GNB2: variants seen among roughly 807,000 people sequenced by gnomAD.
GNB2 encodes guanine nucleotide-binding protein G(I)/G(S)/G(T) subunit beta-2.
A neutral mutation model predicts 40.7 loss-of-function variants in GNB2; 7 were observed. The ratio of observed to expected loss-of-function variants is 0.17; its 90% CI spans 0.10 to 0.32. The LOEUF (loss-of-function observed/expected upper bound fraction) is 0.32, where lower values mean the gene tolerates loss of function less well. Ranked by LOEUF, GNB2 falls within the 10% of genes least tolerant of loss-of-function variation. The pLI is 1.00. For synonymous variants in GNB2, 254 were observed against 191.2 expected (o/e 1.33, Z -2.71); for missense variants, 286 against 473.0 (o/e 0.60, Z 3.67).
At chr7:100,674,388 T>C (rs1562856776) in intron 1 of GNB2, among the ~76,000 whole-genome samples, 2 of 152,016 alleles carry the variant, frequency 1.3e-5, no homozygotes, top group Non-Finnish European at 2.9e-5. Context: ...CTTCCTTTCG[T>C]CTCCACCCTA....
intron 1 of GNB2, chr7:100,675,882 C>G (rs1480203074): frequency 4.4e-6 from 1 of 227,298 alleles, no homozygotes; most frequent in African/African-American, 2.3e-5. Flanking sequence ...CCCGCCCCCC[C>G]CGCCCCAGTT....
At position 100,678,364 on chromosome 7, in the gene GNB2, C is replaced by T. The variant is rs780085774; in HGVS notation, c.700-34C>T. 5.6e-6 allele frequency: 9 copies of T among 1,604,902 alleles called. 1 individual carries two copies. The South Asian group carries it at 8.8e-5, about 16-fold the overall frequency. ...GGCTCCCGGCCCTGCTCCTCACCCT[C>T]ACCCTCACCCCATCTGGGTCCCGTG... On this transcript the variant is annotated intron_variant, in intron 8 of 9. Coordinates refer to ENST00000303210, the MANE Select transcript of GNB2 (RefSeq NM_005273.4).
rs1401551159 is a variant in GNB2 at position 100,678,674 on chromosome 7, T to C, written c.917-21T>C. 7 of 1,611,556 alleles carry C rather than the reference T, an allele frequency of 4.3e-6. No individual in the cohort carries two copies. In the East Asian group the frequency reaches 8.9e-5, roughly 21 times the overall value. The stretch of plus-strand genomic sequence containing the variant: ...CCTGGAGCCCAGGCCCAATGGGTTC[T>C]GACTTCTCTCTTCTTCACAGGAGTC... On this transcript the variant is annotated intron_variant, in intron 9 of 9. Transcript: ENST00000303210.
At position 100,678,911 on chromosome 7, in the gene GNB2, G is replaced by A; in HGVS notation, c.*110G>A. The A allele has an allele frequency of 1.2e-6, 1 of 839,070 alleles. No individual in the cohort carries two copies. Among genetic ancestry groups the A allele is most frequent in the Non-Finnish European group, 1.9e-6 (1 of 531,582 alleles). The allele number at this position is 839,070 out of a possible 1,614,324, so 52.0% of individuals were successfully genotyped here. On this transcript the variant is annotated 3_prime_UTR_variant, in exon 10 of 10. Coordinates refer to ENST00000303210, the MANE Select transcript of GNB2 (RefSeq NM_005273.4). Reference sequence around the variant, plus strand: ...CCAGCCCCCTTCCCCGGGCCACGGGGCCTTGGGTCCCTGCCCTCCCACCCA... The same window carrying A: ...CCAGCCCCCTTCCCCGGGCCACGGGACCTTGGGTCCCTGCCCTCCCACCCA...
At chr7:100,677,135 G>C in intron 4 of GNB2, 1 of 600,080 alleles carries the variant, frequency 1.7e-6, no homozygotes, top group Non-Finnish European at 3.0e-6. Context: ...TGAGCTGGGT[G>C]TGGTGGTGCT....
In GNB2 at chr7:100,677,631, G is replaced by C. The variant is rs1804379835; in HGVS notation, c.401G>C (p.Arg134Thr). ...YSLKTREGNV[R>T]VSRELPGHTG... ...CTCAAGACCCGCGAGGGCAACGTCA[G>C]GGTCAGCCGGGAGCTGCCTGGCCAC... The change falls in exon 6 of 10, where the codon AGG (arginine) becomes ACG (threonine). Residue 134 changes from arginine to threonine, a missense_variant. Coordinates refer to ENST00000303210, the MANE Select transcript of GNB2 (RefSeq NM_005273.4). 6.2e-7 allele frequency: 1 copy of C among 1,613,512 alleles called. No individual in the cohort carries two copies. The highest frequency in any genetic ancestry group is 2.2e-5 in the East Asian group (1 of 44,894).
In GNB2 at chr7:100,678,974, G is replaced by T. The variant is rs1474086363; in HGVS notation, c.*173G>T. 8.4e-6 allele frequency: 5 copies of T among 595,956 alleles called. No individual in the cohort carries two copies. The highest frequency in any genetic ancestry group is 3.7e-5 in the African/African-American group (2 of 53,734). The allele number at this position is 595,956 out of a possible 1,614,324, so 36.9% of individuals were successfully genotyped here. ...CCCGGGGCCCCCACTGTGGAGATAA[G>T]AAGGGGATGGAATGGGGGAAGAGGA... On this transcript the variant is annotated 3_prime_UTR_variant, in exon 10 of 10. Transcript: ENST00000303210.
At chr7:100,677,880 C>A (rs961784534) in intron 7 of GNB2, 62 bp downstream of exon 7, 5 of 1,411,340 alleles carry the variant, frequency 3.5e-6, no homozygotes, top group Non-Finnish European at 5.0e-6. Flanking sequence ...CAGGGGCCAC[C>A]GTCCCAGTGC....
At chr7:100,678,059 CT>C (rs1408840858) in intron 7 of GNB2, 38 bp from the exon 8 acceptor site, 1 of 1,516,388 alleles carries the variant, frequency 6.6e-7, no homozygotes, top group Non-Finnish European at 9.2e-7. Context: ...GTTCTTCGCC[CT>C]GTCTCTTATC....
chr7:100,677,868 C>T (rs780486988), intron 7 of GNB2, 50 bp downstream of exon 7: 48 of 1,498,802 alleles, frequency 3.2e-5, no homozygotes, highest in Non-Finnish European at 4.4e-5. Context: ...CACTTCCTGC[C>T]TCAGGGGCCA....
Position 100,678,685 on chromosome 7 carries a change from T to C in GNB2, c.917-10T>C, listed in dbSNP as rs752220878. On this transcript the variant is annotated splice_polypyrimidine_tract_variant and intron_variant, in intron 9 of 9. Coordinates refer to ENST00000303210, the MANE Select transcript of GNB2 (RefSeq NM_005273.4). ...GGCCCAATGGGTTCTGACTTCTCTCTTCTTCACAGGAGTCCTCGCTGGCCA... is the reference window on the plus strand; with the variant it reads ...GGCCCAATGGGTTCTGACTTCTCTCCTCTTCACAGGAGTCCTCGCTGGCCA... The C allele has an allele frequency of 6.2e-7, 1 of 1,610,200 alleles. No homozygotes were observed. Among genetic ancestry groups the C allele is most frequent in the South Asian group, 1.1e-5 (1 of 91,010 alleles).
chr7:100,677,934 C>T, intron 7 of GNB2, 116 bp downstream of exon 7: 1 of 1,052,828 alleles, frequency 9.5e-7, no homozygotes, highest in South Asian at 1.4e-5. Flanking sequence ...CTGGTGGGCG[C>T]TAAGGGGGTC....
Position 100,677,745 on chromosome 7 carries a change from TC to T in GNB2, c.431-3del. The T allele has an allele frequency of 6.2e-7, 1 of 1,613,694 alleles. No individual in the cohort carries two copies. Among genetic ancestry groups the T allele is most frequent in the Middle Eastern group, 1.6e-4 (1 of 6,062 alleles). On this transcript the variant is annotated splice_region_variant and splice_polypyrimidine_tract_variant and intron_variant, in intron 6 of 9. Coordinates refer to ENST00000303210, the MANE Select transcript of GNB2 (RefSeq NM_005273.4). ...GTGGAGACCTGGCTGACCAGCTCCT[TC>T]CCCAGGGTACCTGTCGTGTTGCCGC...
intron 1 of GNB2, 128 bp from the exon 2 acceptor site, chr7:100,676,049 C>T (rs1301626048): frequency 2.0e-6 from 1 of 501,330 alleles, no homozygotes; most frequent in African/African-American, 2.0e-5. Flanking sequence ...CTGGTTGTGC[C>T]CGGGGACGGC....
Position 100,676,298 on chromosome 7 carries a change from C to A in GNB2, c.33C>A (p.Ala11=). 6.2e-7 allele frequency: 1 copy of A among 1,607,872 alleles called. No homozygotes were observed. The highest frequency in any genetic ancestry group is 8.5e-7 in the Non-Finnish European group (1 of 1,177,662). Residue 11 remains alanine, a synonymous_variant, in exon 2 of 10, where the codon GCC becomes GCA. Transcript: ENST00000303210. The part of the protein sequence containing the change: MSELEQLRQE[A]EQLRNQIRDA... ...AGCTGGAGCAACTGAGACAGGAGGC[C>A]GAGCAGCTCCGGAACCAGATCCGGG...
In GNB2 at chr7:100,677,367, C is replaced by T. The variant is rs749105441; in HGVS notation, c.219C>T (p.Ala73=). Residue 73 remains alanine, a synonymous_variant, in exon 5 of 10, where the codon GCC becomes GCT. Transcript: ENST00000303210. The part of the protein sequence containing the change: ...WGTDSRLLVS[A]SQDGKLIIWD... ...TCCCCACCAGGCTGCTGGTCAGCGC[C>T]TCCCAGGATGGGAAGCTCATCATCT... 7 of 1,613,898 alleles carry T rather than the reference C, an allele frequency of 4.3e-6. No individual in the cohort carries two copies. The highest frequency in any genetic ancestry group is 5.9e-6 in the Non-Finnish European group (7 of 1,179,866).
At position 100,676,567 on chromosome 7, in the gene GNB2, G is replaced by A. The variant is rs760426108; in HGVS notation, c.90G>A (p.Leu30=). ...DARKACGDST[L]TQITAGLDPV... The stretch of plus-strand genomic sequence containing the variant: ...GAAAAGCATGTGGGGACTCAACACT[G>A]ACCCAGGTGAGGGCACTTGGTGGCC... Residue 30 remains leucine (L), a synonymous_variant, in exon 3 of 10, where the codon CTG becomes CTA. Coordinates refer to ENST00000303210, the MANE Select transcript of GNB2 (RefSeq NM_005273.4). 4 of 1,611,040 alleles carry A rather than the reference G, an allele frequency of 2.5e-6. No homozygotes were observed. The Admixed American group carries it at 5.0e-5, about 20-fold the overall frequency.
Position 100,678,692 on chromosome 7 carries a change from C to G in GNB2, c.917-3C>G, listed in dbSNP as rs757056227. 1 of 1,612,802 alleles carries G rather than the reference C, an allele frequency of 6.2e-7. No individual in the cohort carries two copies. The highest frequency in any genetic ancestry group is 1.1e-5 in the South Asian group (1 of 91,042). ...TGGGTTCTGACTTCTCTCTTCTTCA[C>G]AGGAGTCCTCGCTGGCCACGACAAC... On this transcript the variant is annotated splice_polypyrimidine_tract_variant and splice_region_variant and intron_variant, in intron 9 of 9. Coordinates refer to ENST00000303210, the MANE Select transcript of GNB2 (RefSeq NM_005273.4).
At position 100,677,947 on chromosome 7, in the gene GNB2, G is replaced by A; in HGVS notation, c.497+129G>A. ...TCCTGGTGGGCGCTAAGGGGGTCAG[G>A]GAGGGATGCGTCCCCTCCCCACCTA... On this transcript the variant is annotated intron_variant, in intron 7 of 9. Transcript: ENST00000303210. The A allele has an allele frequency of 4.0e-6, 4 of 1,002,964 alleles. No homozygotes were observed. The Admixed American group carries it at 8.2e-5, about 21-fold the overall frequency. The allele number at this position is 1,002,964 out of a possible 1,614,324, so 62.1% of individuals were successfully genotyped here.
Sources: gnomAD v4.1 joint callset for allele counts (sites outside exome capture counted in the v4.1 genomes callset) on GRCh38, gnomAD v4.1.1 for gene constraint, MANE v1.5 for transcripts, NCBI Gene and HGNC (gene_info 2026-07-23, HGNC 2026-07-21) for gene names.